BCL9: variants seen among roughly 807,000 people sequenced by gnomAD.
The protein encoded by BCL9 is BCL9 transcription coactivator, also known as B-cell CLL/lymphoma 9 protein.
Under a neutral mutation model 88.5 loss-of-function variants are expected in BCL9, and 25 were observed. That is an observed-to-expected ratio of 0.28 (90% CI 0.21 to 0.39). BCL9 has a LOEUF of 0.39. Among genes scored for constraint, BCL9 ranks in the 10% least tolerant of loss-of-function variants. The pLI is 1.00. For missense variants in BCL9, 1,817 were observed against 1,877.8 expected (o/e 0.97, Z 0.60); for synonymous variants, 711 against 673.3 (o/e 1.06, Z -0.87).
At chr1:147,595,443 G>A (rs1553200359) in intron 1 of BCL9, among the ~76,000 whole-genome samples, 3 of 152,052 alleles carry the variant, frequency 2.0e-5, no homozygotes, top group Non-Finnish European at 4.4e-5. Flanking sequence ...GCTGAAATCA[G>A]GAAAAACAAA....
intron 8 of BCL9, among the ~76,000 whole-genome samples, chr1:147,621,577 T>C (rs79591424): frequency 0.083 from 12,582 of 152,214 alleles, 1,485 homozygotes; most frequent in African/African-American, 0.27. Context: ...GAGGATTTTC[T>C]TCCTGGGAGA....
chr1:147,619,806 C>T lies in BCL9; in HGVS notation c.1651C>T (p.Pro551Ser). 6.2e-7 allele frequency: 1 copy of T among 1,614,130 alleles called. No individual in the cohort carries two copies. Among genetic ancestry groups the T allele is most frequent in the Non-Finnish European group, 8.5e-7 (1 of 1,180,012 alleles). The change falls in exon 8 of 10, where the codon CCC becomes TCC. Residue 551 changes from proline to serine, a missense_variant. Physicochemically the swap from Pro to Ser is moderately conservative, Grantham distance 74. Coordinates refer to ENST00000234739, the MANE Select transcript of BCL9 (RefSeq NM_004326.4). The surrounding 1 kb of genome is among the most constrained non-coding windows in gnomAD (Gnocchi z 4.1). ...TTCTCTGCCCCCGAGGGGCATGGCT[C>T]CCCACCCCAACATGCCAGGGAGCCA... is the stretch of plus-strand genomic sequence containing the variant. ...PHSLPPRGMAPHPNMPGSQMR... is the reference protein window; with the variant it reads ...PHSLPPRGMASHPNMPGSQMR...
intron 3 of BCL9, among the ~76,000 whole-genome samples, chr1:147,607,279 T>C (rs1013748835): frequency 6.6e-6 from 1 of 152,228 alleles, no homozygotes; most frequent in Admixed American, 6.5e-5. Flanking sequence ...CTGTAAATAA[T>C]GCTGCAGTGA....
rs1553205191 is a variant in BCL9 at position 147,620,838 on chromosome 1, A to G, written c.2683A>G (p.Met895Val). ...SPQTPSQLAGMLAGPAAAASI... is the reference protein window; with the variant it reads ...SPQTPSQLAGVLAGPAAAASI... ...CCAGACTCCATCGCAGCTGGCAGGC[A>G]TGCTGGCGGGCCCAGCTGCTGCTGC... Residue 895 changes from methionine (M) to valine (V), a missense_variant, in exon 8 of 10, where the codon ATG becomes GTG. Transcript: ENST00000234739. 3 of 1,614,168 alleles carry G rather than the reference A, an allele frequency of 1.9e-6. No homozygotes were observed. The highest frequency in any genetic ancestry group is 2.2e-5 in the South Asian group (2 of 91,088).
At position 147,596,402 on chromosome 1, in the gene BCL9, C is replaced by CT. The variant is rs1437436601; in HGVS notation, c.-477-8367dup. ...AAAGTCAAGAGATTAGATTGACTTT[C>CT]TTTTTTTTCTTTTCTTTTTTTTTTT... is the stretch of plus-strand genomic sequence containing the variant. On this transcript the variant is annotated intron_variant, in intron 1 of 9. Coordinates refer to ENST00000234739, the MANE Select transcript of BCL9 (RefSeq NM_004326.4). 7.9e-5 allele frequency among the ~76,000 whole-genome samples: 11 copies of CT among 138,666 alleles called. 3 individuals are homozygous for CT. The highest frequency in any genetic ancestry group is 8.1e-5 in the African/African-American group (3 of 37,108). 91.0% of individuals were successfully genotyped at this position (138,666 alleles called of 152,430 possible).
At chr1:147,566,879 G>A (rs587703621) in intron 1 of BCL9, among the ~76,000 whole-genome samples, 1 of 152,300 alleles carries the variant, frequency 6.6e-6, no homozygotes, top group South Asian at 2.1e-4. Context: ...GGGAATGCTA[G>A]GTGGAAGCTA....
At chr1:147,553,469 A>G (rs1654979408) in intron 1 of BCL9, among the ~76,000 whole-genome samples, 1 of 152,212 alleles carries the variant, frequency 6.6e-6, no homozygotes. Flanking sequence ...TGTGTTCACT[A>G]TCACAAATCC....
At chr1:147,548,960 T>A (rs1043028903) in intron 1 of BCL9, among the ~76,000 whole-genome samples, 17 of 144,772 alleles carry the variant, frequency 1.2e-4, no homozygotes, top group African/African-American at 4.4e-4. Context: ...ACTCTCAAAT[T>A]CTCTCCTTTT....
At chr1:147,560,760 C>T (rs1314866247) in intron 1 of BCL9, among the ~76,000 whole-genome samples, 2 of 152,168 alleles carry the variant, frequency 1.3e-5, no homozygotes, top group African/African-American at 4.8e-5. Flanking sequence ...AAAATAAATA[C>T]ATACATAAAT....
chr1:147,546,128 A>G lies in BCL9; in HGVS notation c.-478+4454A>G, dbSNP rs1048286632. 5.3e-5 allele frequency among the ~76,000 whole-genome samples: 8 copies of G among 152,104 alleles called. 1 individual carries two copies. Among genetic ancestry groups the G allele is most frequent in the African/African-American group, 1.9e-4 (8 of 41,410 alleles). ...GAGGCGGGCGGATCACGAGGTCAGG[A>G]GATCGAGACCATCCTGGCTAAAACG... is the stretch of plus-strand genomic sequence containing the variant. On this transcript the variant is annotated intron_variant, in intron 1 of 9. Transcript: ENST00000234739.
intron 1 of BCL9, among the ~76,000 whole-genome samples, chr1:147,582,138 T>C (rs1195576619): frequency 6.6e-6 from 1 of 152,268 alleles, no homozygotes; most frequent in Non-Finnish European, 1.5e-5. Context: ...GATAAGACCA[T>C]GTATGCATTT....
intron 1 of BCL9, chr1:147,600,202 C>A (rs1279971870): frequency 1.2e-5 from 2 of 161,470 alleles, no homozygotes; most frequent in African/African-American, 2.4e-5. Context: ...CCGCCGCCGC[C>A]GCTGCCGCCG....
chr1:147,590,932 G>C lies in BCL9; in HGVS notation c.-477-13845G>C, dbSNP rs1385343294. Among the ~76,000 whole-genome samples, 5 of 152,286 alleles carry C rather than the reference G, an allele frequency of 3.3e-5. No individual in the cohort carries two copies. The South Asian group carries it at 8.3e-4, about 25-fold the overall frequency. On this transcript the variant is annotated intron_variant, in intron 1 of 9. Transcript: ENST00000234739. ...ATCAAGTGTGGCTGTGAATATAAAA[G>C]AATACTTTGAAAAATACCATGCAAA...
intron 6 of BCL9, among the ~76,000 whole-genome samples, chr1:147,615,289 TCA>T (rs781952819): frequency 1.3e-5 from 2 of 152,216 alleles, no homozygotes; most frequent in African/African-American, 2.4e-5. Context: ...TCTCTGGAAT[TCA>T]CAGAGATAAC....
chr1:147,582,359 C>G (rs1656404316), intron 1 of BCL9, among the ~76,000 whole-genome samples: 1 of 152,056 alleles, frequency 6.6e-6, no homozygotes, highest in Non-Finnish European at 1.5e-5. Context: ...TAACTTATTC[C>G]TAGACAGGGA....
chr1:147,546,410 G>C (rs1459468377), intron 1 of BCL9, among the ~76,000 whole-genome samples: 2 of 151,546 alleles, frequency 1.3e-5, no homozygotes, highest in African/African-American at 4.9e-5. Context: ...CTAGAATTTA[G>C]AGTGTTCATC....
rs1397194356 is a variant in BCL9, at chr1:147,614,537, A to G, written c.481A>G (p.Thr161Ala). The G allele has an allele frequency of 6.2e-7, 1 of 1,613,818 alleles. No individual in the cohort carries two copies. The highest frequency in any genetic ancestry group is 1.3e-5 in the African/African-American group (1 of 74,822). The change falls in exon 6 of 10, where the codon ACT becomes GCT. Residue 161 changes from threonine (T) to alanine (A), a missense_variant. By Grantham distance (58) the Thr-to-Ala change is moderately conservative (BLOSUM62 0). Around this residue, in one of 2 missense-constraint regions of BCL9, gnomAD observed 1,228 missense variants for 1,191.6 expected, o/e 1.03. Transcript: ENST00000234739. ...PRSSTPSHGQ[T>A]TATEPTPAQK... ...GTCTTCTACCCCCTCCCATGGCCAA[A>G]CTACTGCCACAGAGCCCACACCTGC...
At chr1:147,616,119 A>G (rs2101614839) in intron 7 of BCL9, among the ~76,000 whole-genome samples, 1 of 152,212 alleles carries the variant, frequency 6.6e-6, no homozygotes, top group East Asian at 1.9e-4. Context: ...ACTAGGGGGA[A>G]GAAGATGCAA....
At chr1:147,614,110 TAAGAG>T (rs1658145517) in intron 5 of BCL9, among the ~76,000 whole-genome samples, 1 of 152,136 alleles carries the variant, frequency 6.6e-6, no homozygotes, top group Non-Finnish European at 1.5e-5. Flanking sequence ...AATGCTGAAA[TAAGAG>T]AAGTTAGAGG....
Sources: allele counts gnomAD v4.1 joint callset (sites outside exome capture counted in the v4.1 genomes callset), GRCh38; gene constraint gnomAD v4.1.1; regional missense constraint gnomAD v4.1.1; non-coding constraint Gnocchi (gnomAD v3.1); transcripts MANE v1.5; gene names NCBI Gene and HGNC (gene_info 2026-07-23, HGNC 2026-07-21).